The following POLR1B variants were observed in gnomAD, a reference collection of about 807,000 sequenced individuals.
POLR1B encodes RNA polymerase I subunit B, also known as DNA-directed RNA polymerase I subunit RPA2.
In POLR1B, 30 loss-of-function variants were observed where a neutral mutation model predicts 105.8. That is an observed-to-expected ratio of 0.28 (90% CI 0.21 to 0.38). The LOEUF is 0.38. POLR1B is among the 10% of genes least tolerant of loss of function. The pLI, the probability that POLR1B is intolerant of heterozygous loss-of-function variation, is 1.00. For missense variants in POLR1B, 976 were observed against 1,435.8 expected (o/e 0.68, Z 5.17); for synonymous variants, 485 against 505.1 (o/e 0.96, Z 0.53).
At chr2:112,558,926 T>TTC (rs1448642548) in intron 8 of POLR1B, among the ~76,000 whole-genome samples, 1 of 151,514 alleles carries the variant, frequency 6.6e-6, no homozygotes, top group East Asian at 2.0e-4. Flanking sequence ...CCTTTTTTTT[T>TTC]TTTTTTTAAA....
intron 7 of POLR1B, chr2:112,554,412 C>A (rs1452315383): frequency 6.6e-6 from 1 of 152,138 alleles, no homozygotes; most frequent in Non-Finnish European, 1.5e-5. Flanking sequence ...GGATTACAGG[C>A]GTGAGCTACC....
chr2:112,575,840 A>T lies in POLR1B; in HGVS notation c.*111A>T. On this transcript the variant is annotated 3_prime_UTR_variant, in exon 15 of 15. Coordinates refer to ENST00000263331, the MANE Select transcript of POLR1B (RefSeq NM_019014.6). The surrounding 1 kb of genome is among the most constrained non-coding windows in gnomAD (Gnocchi z 5.3). ...ACTCTTGAGATTTTTCAACGGTGTT[A>T]GAACTCTCAACCAAGACCTGAAAAC... The T allele has an allele frequency of 8.1e-7, 1 of 1,239,472 alleles. No individual in the cohort carries two copies. The highest frequency in any genetic ancestry group is 1.1e-6 in the Non-Finnish European group (1 of 899,118). 76.8% of individuals were successfully genotyped at this position (1,239,472 alleles called of 1,614,324 possible).
chr2:112,558,816 G>A (rs749066847), intron 8 of POLR1B, among the ~76,000 whole-genome samples: 4 of 151,564 alleles, frequency 2.6e-5, no homozygotes, highest in African/African-American at 4.8e-5. Context: ...ATGGGGTTTC[G>A]CTATGCTGCT....
rs527732074 is a variant in POLR1B at position 112,577,068 on chromosome 2, G to A, written c.*1339G>A. 14 of 152,284 alleles carry A rather than the reference G, an allele frequency of 9.2e-5. No individual in the cohort carries two copies. The highest frequency in any genetic ancestry group is 3.4e-3 in the Middle Eastern group (1 of 294). 9.4% of individuals were successfully genotyped at this position (152,284 alleles called of 1,614,324 possible). ...AACTTTTTTCTGCAAATATTCTGGT[G>A]ACTTATCTTTGGCCATTATAAACTG... On this transcript the variant is annotated 3_prime_UTR_variant, in exon 15 of 15. Coordinates refer to ENST00000263331, the MANE Select transcript of POLR1B (RefSeq NM_019014.6).
At chr2:112,564,305 G>A in intron 9 of POLR1B, 61 bp from the exon 10 acceptor site, 2 of 1,587,094 alleles carry the variant, frequency 1.3e-6, no homozygotes, top group South Asian at 2.3e-5. Flanking sequence ...CCATCTGGAG[G>A]GAATCTGGAA....
rs1244969258 is a variant in POLR1B at position 112,552,619 on chromosome 2, GC to G, written c.987-25del. ...AGTATTACCAACTGAATTGTTTTAA[GC>G]TTTTTTTTTTTTCTGTTTTCACAGC... On this transcript the variant is annotated intron_variant, in intron 6 of 14. Transcript: ENST00000263331. 5.6e-6 allele frequency: 8 copies of G among 1,439,896 alleles called. No individual in the cohort carries two copies. In the African/African-American group the frequency reaches 9.9e-5, roughly 18 times the overall value. 89.2% of individuals were successfully genotyped at this position (1,439,896 alleles called of 1,614,324 possible). A position where few individuals can be genotyped will look rare whatever the true frequency, so the allele number is the denominator to read the frequency against.
Position 112,578,287 on chromosome 2 carries a change from G to A in POLR1B, c.*2558G>A, listed in dbSNP as rs761591788. ...CATAAGCAAGATACAGAGCTGTTCC[G>A]TCATCACAGAGCTCTGCCATACTAT... On this transcript the variant is annotated 3_prime_UTR_variant, in exon 15 of 15. Transcript: ENST00000263331. 2.6e-5 allele frequency among the ~76,000 whole-genome samples: 4 copies of A among 152,208 alleles called. No homozygotes were observed. Among genetic ancestry groups the A allele is most frequent in the African/African-American group, 4.8e-5 (2 of 41,532 alleles).
intron 4 of POLR1B, among the ~76,000 whole-genome samples, chr2:112,549,748 A>T (rs1683265237): frequency 6.6e-6 from 1 of 152,156 alleles, no homozygotes; most frequent in South Asian, 2.1e-4. Context: ...ACTTGCAGTT[A>T]CAAGATGAAT....
intron 7 of POLR1B, among the ~76,000 whole-genome samples, chr2:112,555,805 T>C (rs1433048427): frequency 6.6e-6 from 1 of 152,292 alleles, no homozygotes; most frequent in South Asian, 2.1e-4. Context: ...TTTTAAACCT[T>C]TGAGTTTGGA....
chr2:112,542,461 C>T (rs764418496), upstream of POLR1B: 91 of 1,467,432 alleles, frequency 6.2e-5, no homozygotes, highest in Non-Finnish European at 8.1e-5. Context: ...CCGGCGTGTA[C>T]CGAGAGACTG....
intron 1 of POLR1B, chr2:112,542,918 G>C (rs1184537465): frequency 3.4e-6 from 2 of 591,398 alleles, no homozygotes; most frequent in East Asian, 5.8e-5. Context: ...AGTTTGGACA[G>C]TTTCGGGGTG....
At chr2:112,556,029 A>G (rs1206829470) in intron 7 of POLR1B, among the ~76,000 whole-genome samples, 1 of 152,022 alleles carries the variant, frequency 6.6e-6, no homozygotes, top group Non-Finnish European at 1.5e-5. Flanking sequence ...CATAGTTATG[A>G]AAAAAAAGGG....
At chr2:112,561,619 G>A (rs1256236981) in intron 9 of POLR1B, among the ~76,000 whole-genome samples, 2 of 152,160 alleles carry the variant, frequency 1.3e-5, no homozygotes, top group Admixed American at 6.5e-5. Flanking sequence ...CGATCAATAT[G>A]TAGCCTTGTT....
In POLR1B at chr2:112,570,565, T is replaced by A. The variant is rs189572228; in HGVS notation, c.2074+1663T>A. ...CCTAGTATATGGTATAGCCTGTTGC[T>A]CCTAGGCTACAAACCTGGGTGGCAT... is the stretch of plus-strand genomic sequence containing the variant. On this transcript the variant is annotated intron_variant, in intron 12 of 14. Coordinates refer to ENST00000263331, the MANE Select transcript of POLR1B (RefSeq NM_019014.6). 4.0e-3 allele frequency among the ~76,000 whole-genome samples: 613 copies of A among 152,288 alleles called. 4 individuals are homozygous for A. Among genetic ancestry groups the A allele is most frequent in the Middle Eastern group, 0.01 (3 of 294 alleles).
At chr2:112,555,824 ACAAT>A (rs1345707586) in intron 7 of POLR1B, among the ~76,000 whole-genome samples, 1 of 152,224 alleles carries the variant, frequency 6.6e-6, no homozygotes, top group Non-Finnish European at 1.5e-5. Context: ...GAGCATAAAA[ACAAT>A]CTTCAGAAGA....
chr2:112,564,381 A>T lies in POLR1B; in HGVS notation c.1628A>T (p.Asp543Val), dbSNP rs750481846. The T allele has an allele frequency of 7.4e-6, 12 of 1,614,126 alleles. No homozygotes were observed. In the South Asian group the frequency reaches 1.2e-4, roughly 16 times the overall value. ...LLCNLGVTPI[D>V]GAPHRSYSEC... ...CCTTTACCAGGGGTCACTCCCATTG[A>T]TGGAGCTCCCCACCGATCATACAGT... Residue 543 changes from aspartate to valine, a missense_variant, in exon 10 of 15, where the codon GAT (aspartate) becomes GTT (valine). By Grantham distance (152) the Asp-to-Val change is radical. Coordinates refer to ENST00000263331, the MANE Select transcript of POLR1B (RefSeq NM_019014.6).
chr2:112,566,119 G>T (rs1187744500), intron 10 of POLR1B, among the ~76,000 whole-genome samples: 1 of 152,148 alleles, frequency 6.6e-6, no homozygotes, highest in Non-Finnish European at 1.5e-5. Context: ...CTCCCGAAGT[G>T]CTGGGAATCA....
At position 112,564,425 on chromosome 2, in the gene POLR1B, C is replaced by T. The variant is rs1011319996; in HGVS notation, c.1672C>T (p.Leu558=). The T allele has an allele frequency of 1.2e-6, 2 of 1,614,250 alleles. No homozygotes were observed. Among genetic ancestry groups the T allele is most frequent in the Non-Finnish European group, 1.7e-6 (2 of 1,180,032 alleles). The change falls in exon 10 of 15, where the codon CTG becomes TTG. Residue 558 remains leucine (L), a synonymous_variant. Coordinates refer to ENST00000263331, the MANE Select transcript of POLR1B (RefSeq NM_019014.6). ...RSYSECYPVL[L]DGVMVGWVDK... ...ATACAGTGAGTGCTACCCTGTCCTG[C>T]TGGACGGTGTCATGGTTGGCTGGGT...
Position 112,552,801 on chromosome 2 carries a change from C to T in POLR1B, c.1143C>T (p.Phe381=). The T allele has an allele frequency of 5.7e-6, 9 of 1,589,402 alleles. No homozygotes were observed. Among genetic ancestry groups the T allele is most frequent in the African/African-American group, 1.4e-5 (1 of 73,590 alleles). The change falls in exon 7 of 15, where the codon TTC becomes TTT. Residue 381 remains phenylalanine, a synonymous_variant. Coordinates refer to ENST00000263331, the MANE Select transcript of POLR1B (RefSeq NM_019014.6). ...NQEVLTPGQL[F]LMFLKEKLEG... Reference sequence around the variant, plus strand: ...AAGTCCTCACACCGGGTCAGCTCTTCCTTATGTTCCTGAAGGTAAATGCAT... The same window carrying T: ...AAGTCCTCACACCGGGTCAGCTCTTTCTTATGTTCCTGAAGGTAAATGCAT...
Sources: allele counts gnomAD v4.1 joint callset (sites outside exome capture counted in the v4.1 genomes callset), GRCh38; gene constraint gnomAD v4.1.1; non-coding constraint Gnocchi (gnomAD v3.1); transcripts MANE v1.5; gene names NCBI Gene and HGNC (gene_info 2026-07-23, HGNC 2026-07-21).